NRXN3: variants seen among roughly 807,000 people sequenced by gnomAD.
The protein encoded by NRXN3 is neurexin 3, also known as neurexin III.
NRXN3 carries 32 observed loss-of-function variants against 137.6 expected under a neutral mutation model. That is an observed-to-expected ratio of 0.23 (90% CI 0.18 to 0.31). The LOEUF is 0.31. Ranked by LOEUF, NRXN3 falls within the 10% of genes least tolerant of loss-of-function variation. The probability of loss-of-function intolerance (pLI) is 1.00; values close to 1 mark genes in which losing one functional copy is unlikely to be tolerated. For missense variants in NRXN3, 1,574 were observed against 2,062.5 expected (o/e 0.76, Z 4.59); for synonymous variants, 798 against 784.5 (o/e 1.02, Z -0.29).
rs74063798 is a variant in NRXN3 at position 79,681,477 on chromosome 14, A to T, written c.3617-10696A>T. 4.6e-3 allele frequency among the ~76,000 whole-genome samples: 702 copies of T among 152,248 alleles called. 6 individuals are homozygous for T. The highest frequency in any genetic ancestry group is 0.016 in the African/African-American group (680 of 41,550). On this transcript the variant is annotated intron_variant, in intron 17 of 20. Transcript: ENST00000335750. ...GTACCCCTCTGGGGTCTCAGTTCAG[A>T]TAGCCGAGTAGGTTCACATGGCTGG...
chr14:78,883,462 G>A (rs533257200), intron 10 of NRXN3, among the ~76,000 whole-genome samples: 21 of 152,332 alleles, frequency 1.4e-4, no homozygotes, highest in South Asian at 4.1e-4. Context: ...TGAAGGCACC[G>A]TAGCAGTGGA....
intron 10 of NRXN3, among the ~76,000 whole-genome samples, chr14:78,950,263 GC>G (rs2099384524): frequency 6.6e-6 from 1 of 152,140 alleles, no homozygotes; most frequent in Non-Finnish European, 1.5e-5. Flanking sequence ...GAAAGCTTGA[GC>G]CTGTCCCCAG....
intron 4 of NRXN3, among the ~76,000 whole-genome samples, chr14:78,637,370 C>T (rs1211646485): frequency 6.6e-6 from 1 of 152,222 alleles, no homozygotes; most frequent in African/African-American, 2.4e-5. Context: ...GGAAACTTCT[C>T]TTATGCCCAG....
chr14:78,624,264 A>T (rs2097432817), intron 4 of NRXN3, among the ~76,000 whole-genome samples: 1 of 152,234 alleles, frequency 6.6e-6, no homozygotes, highest in Admixed American at 6.5e-5. Flanking sequence ...AAAAACTCTT[A>T]CTGATGCCTG....
At chr14:79,060,259 A>G (rs2099672519) in intron 15 of NRXN3, among the ~76,000 whole-genome samples, 1 of 152,240 alleles carries the variant, frequency 6.6e-6, no homozygotes, top group Non-Finnish European at 1.5e-5. Context: ...AGAGCGAGAG[A>G]TTCAACAGCA....
At chr14:78,969,358 G>C (rs2099429759) in intron 14 of NRXN3, among the ~76,000 whole-genome samples, 1 of 152,182 alleles carries the variant, frequency 6.6e-6, no homozygotes, top group Non-Finnish European at 1.5e-5. Flanking sequence ...AGTAGTCTTG[G>C]GTTGGCTGAA....
At chr14:78,480,225 G>A (rs774176563) in intron 4 of NRXN3, among the ~76,000 whole-genome samples, 3 of 152,156 alleles carry the variant, frequency 2.0e-5, no homozygotes, top group Non-Finnish European at 4.4e-5. Flanking sequence ...AGACTCACCT[G>A]TTTATATAGT....
chr14:79,253,925 G>C (rs1235976866), intron 15 of NRXN3, among the ~76,000 whole-genome samples: 1 of 152,184 alleles, frequency 6.6e-6, no homozygotes, highest in East Asian at 1.9e-4. Flanking sequence ...AAATTGTGGA[G>C]TTTCTTTAAG....
intron 19 of NRXN3, among the ~76,000 whole-genome samples, chr14:79,728,117 G>C (rs1474369625): frequency 6.6e-6 from 1 of 152,166 alleles, no homozygotes; most frequent in Admixed American, 6.5e-5. Flanking sequence ...GAGTACTTTA[G>C]AGCAAGAGTA....
chr14:79,073,021 G>A (rs1409755306), intron 15 of NRXN3, among the ~76,000 whole-genome samples: 1 of 151,894 alleles, frequency 6.6e-6, no homozygotes, highest in Non-Finnish European at 1.5e-5. Flanking sequence ...TGAGTAGCTG[G>A]AATTACAGGT....
At chr14:78,425,359 T>C (rs1325687789) in intron 4 of NRXN3, among the ~76,000 whole-genome samples, 3 of 152,244 alleles carry the variant, frequency 2.0e-5, no homozygotes, top group Non-Finnish European at 4.4e-5. Context: ...CTGTGGCATC[T>C]TAGAGTATTG....
intron 15 of NRXN3, among the ~76,000 whole-genome samples, chr14:79,361,679 G>GGCACTC (rs2093686846): frequency 6.6e-6 from 1 of 152,024 alleles, no homozygotes; most frequent in Non-Finnish European, 1.5e-5. Flanking sequence ...ATCACGCCAC[G>GGCACTC]GCACTCCAGT....
chr14:78,661,969 A>C (rs1348844595), intron 6 of NRXN3, among the ~76,000 whole-genome samples: 1 of 146,254 alleles, frequency 6.8e-6, no homozygotes, highest in African/African-American at 2.5e-5. Context: ...GGCTCACTGC[A>C]CCCTCCACCA....
intron 17 of NRXN3, among the ~76,000 whole-genome samples, chr14:79,685,434 A>T (rs867306030): frequency 1.3e-5 from 2 of 152,210 alleles, no homozygotes; most frequent in South Asian, 4.1e-4. Context: ...GAAGGAAAAA[A>T]AAAGTGACAT....
At chr14:78,637,289 G>A (rs1042348066) in intron 4 of NRXN3, among the ~76,000 whole-genome samples, 12 of 152,124 alleles carry the variant, frequency 7.9e-5, no homozygotes, top group Non-Finnish European at 1.2e-4. Flanking sequence ...CTTCTAATTA[G>A]CATTTCATTC....
intron 5 of NRXN3, chr14:78,649,118 A>G (rs1179507899): frequency 2.3e-6 from 1 of 439,580 alleles, no homozygotes; most frequent in East Asian, 8.9e-5. Context: ...TTTTTGAGAA[A>G]CTAACACAAG....
chr14:78,630,957 TG>T (rs1452528341), intron 4 of NRXN3, among the ~76,000 whole-genome samples: 1 of 152,184 alleles, frequency 6.6e-6, no homozygotes, highest in African/African-American at 2.4e-5. Flanking sequence ...GACCATTGCT[TG>T]GGGATCAATA....
intron 16 of NRXN3, among the ~76,000 whole-genome samples, chr14:79,586,243 G>T (rs1284248836): frequency 1.3e-5 from 2 of 152,152 alleles, no homozygotes; most frequent in African/African-American, 2.4e-5. Flanking sequence ...CAAAGTAAAA[G>T]AATTAAGTAA....
chr14:78,483,516 G>A (rs374060613), intron 4 of NRXN3, among the ~76,000 whole-genome samples: 17 of 152,090 alleles, frequency 1.1e-4, no homozygotes, highest in South Asian at 4.1e-4. Context: ...TATTTAAACC[G>A]TGTTCACTAT....
Sources: gnomAD v4.1 joint callset for allele counts (sites outside exome capture counted in the v4.1 genomes callset) on GRCh38, gnomAD v4.1.1 for gene constraint, MANE v1.5 for transcripts, NCBI Gene and HGNC (gene_info 2026-07-23, HGNC 2026-07-21) for gene names.